Variants in CARMIL1 observed in about 807,000 individuals in gnomAD.
CARMIL1 encodes the protein F-actin-uncapping protein LRRC16A.
A neutral mutation model predicts 177.1 loss-of-function variants in CARMIL1; 90 were observed. That is an observed-to-expected ratio of 0.51 (90% confidence interval 0.43 to 0.61). The LOEUF (loss-of-function observed/expected upper bound fraction) is 0.61. Ranked by LOEUF, CARMIL1 falls within the 20% of genes least tolerant of loss-of-function variation. The pLI is 0.00. For synonymous variants in CARMIL1, 577 were observed against 606.2 expected, an observed-to-expected ratio of 0.95 and a Z score of 0.71; for missense variants, 1,380 against 1,667.0, an observed-to-expected ratio of 0.83 and a Z score of 3.00.
chr6:25,559,500 G>A (rs896221393), intron 29 of CARMIL1, among the ~76,000 whole-genome samples: 1 of 152,200 alleles, frequency 6.6e-6, no homozygotes, highest in African/African-American at 2.4e-5. Context: ...AAGTACATAA[G>A]TACATGCACG....
At chr6:25,459,266 C>CTTTTTTTTT (rs769702901) in intron 8 of CARMIL1, among the ~76,000 whole-genome samples, 8 of 73,752 alleles carry the variant, frequency 1.1e-4, no homozygotes, top group South Asian at 4.2e-4. Context: ...TTCTTTCTTT[C>CTTTTTTTTT]TTTTTTTTTT....
At chr6:25,313,846 A>G (rs1784046153) in intron 2 of CARMIL1, among the ~76,000 whole-genome samples, 1 of 151,536 alleles carries the variant, frequency 6.6e-6, no homozygotes, top group African/African-American at 2.4e-5. Context: ...TTCACTTCTC[A>G]GAGTGGGCAT....
intron 2 of CARMIL1, among the ~76,000 whole-genome samples, chr6:25,358,054 TCA>T (rs762908278): frequency 3.3e-5 from 5 of 152,232 alleles, no homozygotes; most frequent in Non-Finnish European, 5.9e-5. Context: ...CAGAAGTACC[TCA>T]CACGCATTTT....
At chr6:25,598,188 A>G (rs561008931) in intron 32 of CARMIL1, among the ~76,000 whole-genome samples, 1 of 152,038 alleles carries the variant, frequency 6.6e-6, no homozygotes, top group African/African-American at 2.4e-5. Context: ...TTTAAAAATT[A>G]TTTCTTTCAT....
intron 2 of CARMIL1, among the ~76,000 whole-genome samples, chr6:25,362,647 C>A (rs962811515): frequency 1.3e-5 from 2 of 152,074 alleles, no homozygotes; most frequent in Non-Finnish European, 2.9e-5. Context: ...GCACTCCAGC[C>A]TGGGAAACAG....
chr6:25,501,106 G>A (rs1470344607), intron 17 of CARMIL1, among the ~76,000 whole-genome samples: 1 of 152,044 alleles, frequency 6.6e-6, no homozygotes. Flanking sequence ...TTGCTATCTT[G>A]AAACTTTTAC....
chr6:25,361,715 G>A (rs4712918), intron 2 of CARMIL1, among the ~76,000 whole-genome samples: 6,278 of 152,256 alleles, frequency 0.041, 328 homozygotes, highest in East Asian at 0.27. Flanking sequence ...GCATTTGGAG[G>A]TGGGGCCTGT....
chr6:25,573,494 C>T (rs1812294810), intron 29 of CARMIL1, among the ~76,000 whole-genome samples: 1 of 150,208 alleles, frequency 6.7e-6, no homozygotes, highest in South Asian at 2.1e-4. Context: ...GCTTTTCTTC[C>T]CCTGGAGACT....
chr6:25,337,591 T>G (rs1193729255), intron 2 of CARMIL1, among the ~76,000 whole-genome samples: 1 of 152,238 alleles, frequency 6.6e-6, no homozygotes, highest in Non-Finnish European at 1.5e-5. Flanking sequence ...CTGAACTGTA[T>G]GGTGGTGTTC....
chr6:25,533,824 C>T lies in CARMIL1; in HGVS notation c.2068-4031C>T, dbSNP rs531660315. On this transcript the variant is annotated intron_variant, in intron 24 of 36. Coordinates refer to ENST00000329474, the MANE Select transcript of CARMIL1 (RefSeq NM_017640.6). Reference sequence around the variant, plus strand: ...CTAACCATTCAGTCCCTGTTTCTTTCCAGAGAGTCCTATCTTCCCAATTAT... The same window carrying T: ...CTAACCATTCAGTCCCTGTTTCTTTTCAGAGAGTCCTATCTTCCCAATTAT... Among the ~76,000 whole-genome samples, 102 of 152,236 alleles carry T rather than the reference C, an allele frequency of 6.7e-4. 1 individual carries two copies. Among genetic ancestry groups the T allele is most frequent in the Middle Eastern group, 3.4e-3 (1 of 294 alleles).
intron 8 of CARMIL1, chr6:25,451,986 G>GCCCGCC: frequency 8.9e-6 from 1 of 112,672 alleles, no homozygotes; most frequent in Non-Finnish European, 1.7e-5. Context: ...CTAGCATCTT[G>GCCCGCC]CCCCCCCCTC....
chr6:25,338,405 G>GC (rs1330580702), intron 2 of CARMIL1, among the ~76,000 whole-genome samples: 1 of 152,090 alleles, frequency 6.6e-6, no homozygotes, highest in East Asian at 1.9e-4. Context: ...CAGAACTTTT[G>GC]CCCCTTGGTA....
intron 13 of CARMIL1, among the ~76,000 whole-genome samples, chr6:25,490,901 G>A (rs533653375): frequency 2.6e-5 from 4 of 152,278 alleles, no homozygotes; most frequent in Admixed American, 2.6e-4. Flanking sequence ...TTGCAAGGAC[G>A]TACTCAGTAT....
intron 4 of CARMIL1, among the ~76,000 whole-genome samples, chr6:25,432,339 C>CTTTCCCCAAGTTAAAATGTAAG: frequency 6.6e-6 from 1 of 152,052 alleles, no homozygotes; most frequent in Non-Finnish European, 1.5e-5. Context: ...CCTTGCTGTT[C>CTTTCCCCAAGTTAAAATGTAAG]TTTATTATGA....
At position 25,324,484 on chromosome 6, in the gene CARMIL1, A is replaced by C. The variant is rs567934772; in HGVS notation, c.138+39575A>C. 5.9e-5 allele frequency among the ~76,000 whole-genome samples: 9 copies of C among 152,270 alleles called. No individual in the cohort carries two copies. In the South Asian group the frequency reaches 1.9e-3, roughly 32 times the overall value. ...TTCCTGATGTCAGGAAATAGCAGCA[A>C]ATTTTTACAGAATGCTTAAGCCTGG... On this transcript the variant is annotated intron_variant, in intron 2 of 36. Coordinates refer to ENST00000329474, the MANE Select transcript of CARMIL1 (RefSeq NM_017640.6).
intron 36 of CARMIL1, among the ~76,000 whole-genome samples, chr6:25,611,520 C>T (rs1404295801): frequency 1.3e-5 from 2 of 152,182 alleles, no homozygotes; most frequent in Admixed American, 1.3e-4. Flanking sequence ...TCCATCCTTT[C>T]TGCAACTGCT....
chr6:25,470,253 C>G (rs1366098813), intron 9 of CARMIL1, among the ~76,000 whole-genome samples: 2 of 152,152 alleles, frequency 1.3e-5, no homozygotes, highest in African/African-American at 4.8e-5. Flanking sequence ...TTTAGCCTTC[C>G]TATTAAGTTT....
At chr6:25,463,412 T>C (rs185370050) in intron 8 of CARMIL1, among the ~76,000 whole-genome samples, 1 of 152,328 alleles carries the variant, frequency 6.6e-6, no homozygotes, top group African/African-American at 2.4e-5. Flanking sequence ...TATGTAGAGA[T>C]GATGCTGTTT....
At chr6:25,301,747 C>T (rs1201454938) in intron 2 of CARMIL1, among the ~76,000 whole-genome samples, 7 of 152,154 alleles carry the variant, frequency 4.6e-5, no homozygotes, top group Admixed American at 1.3e-4. Context: ...GAGATTCTCA[C>T]GGGCAGTTGA....
Sources: gnomAD v4.1 joint callset for allele counts (sites outside exome capture counted in the v4.1 genomes callset) on GRCh38, gnomAD v4.1.1 for gene constraint, MANE v1.5 for transcripts, NCBI Gene and HGNC (gene_info 2026-07-23, HGNC 2026-07-21) for gene names.